The following PEMT variants were observed in gnomAD, a reference collection of about 807,000 sequenced individuals.
PEMT encodes phosphatidylethanolamine N-methyltransferase.
PEMT carries 23 observed loss-of-function variants against 27.4 expected under a neutral mutation model. The observed-to-expected ratio is 0.84, with a 90% CI of 0.60 to 1.19. The LOEUF is 1.19. PEMT is among the 50% of genes most tolerant of loss of function. The pLI is 0.00. For missense variants in PEMT, 307 were observed against 310.1 expected, an observed-to-expected ratio of 0.99 and a Z score of 0.07; for synonymous variants, 137 against 139.1, an observed-to-expected ratio of 0.98 and a Z score of 0.11.
At chr17:17,568,630 T>C (rs1910987955) in intron 2 of PEMT, among the ~76,000 whole-genome samples, 1 of 152,130 alleles carries the variant, frequency 6.6e-6, no homozygotes, top group South Asian at 2.1e-4. Flanking sequence ...CCATAGCACC[T>C]ACAAGGTCGG....
In PEMT at chr17:17,505,718, C is replaced by A. The variant is rs70965428; in HGVS notation, c.*73G>T. The A allele has an allele frequency of 3.5e-4, 513 of 1,470,858 alleles. 1 individual carries two copies. In the African/African-American group the frequency reaches 6.5e-3, roughly 19 times the overall value. The allele number at this position is 1,470,858 out of a possible 1,614,324, so 91.1% of individuals were successfully genotyped here. A position where few individuals can be genotyped will look rare whatever the true frequency, so the allele number is the denominator to read the frequency against. On this transcript the variant is annotated 3_prime_UTR_variant, in exon 7 of 7. Transcript: ENST00000255389. ...CCCTGAGCAGCAGGCACCATTCTCG[C>A]CCTGCGCAGGGCCTGCCACTTGGGG...
chr17:17,512,802 G>A lies in PEMT; in HGVS notation c.321-148C>T, dbSNP rs1162100737. 3 of 620,506 alleles carry A rather than the reference G, an allele frequency of 4.8e-6. No individual in the cohort carries two copies. The highest frequency in any genetic ancestry group is 7.2e-6 in the Non-Finnish European group (3 of 415,354). The allele number at this position is 620,506 out of a possible 1,614,324, so 38.4% of individuals were successfully genotyped here. A position where few individuals can be genotyped will look rare whatever the true frequency, so the allele number is the denominator to read the frequency against. ...CTGCCAGGCCAGGCAGGCAGCAGGTGGGGTCCAGTCCACCTGGGAGGTGGG... is the reference window on the plus strand; with the variant it reads ...CTGCCAGGCCAGGCAGGCAGCAGGTAGGGTCCAGTCCACCTGGGAGGTGGG... On this transcript the variant is annotated intron_variant, in intron 3 of 6. Transcript: ENST00000255389. The surrounding 1 kb of genome is among the most constrained non-coding windows in gnomAD (Gnocchi z 6.3).
At chr17:17,577,303 G>A (rs1911667210) in intron 1 of PEMT, 1 of 470,850 alleles carries the variant, frequency 2.1e-6, no homozygotes, top group Non-Finnish European at 3.7e-6. Context: ...GCACCCTGAA[G>A]GGAGGTGACA....
At chr17:17,517,442 G>C (rs576713551) in intron 3 of PEMT, among the ~76,000 whole-genome samples, 1 of 152,156 alleles carries the variant, frequency 6.6e-6, no homozygotes, top group Non-Finnish European at 1.5e-5. Context: ...GAAGCAAACT[G>C]TCCCATCAGC....
In PEMT at chr17:17,582,599, C is replaced by T. The variant is rs970260334; in HGVS notation, c.97-5572G>A. Among the ~76,000 whole-genome samples, 2 of 152,206 alleles carry T rather than the reference C, an allele frequency of 1.3e-5. No homozygotes were observed. Among genetic ancestry groups the T allele is most frequent in the African/African-American group, 4.8e-5 (2 of 41,450 alleles). On this transcript the variant is annotated intron_variant, in intron 1 of 6. Transcript: ENST00000255389. This position sits in a 1 kb window ranked among gnomAD's most constrained non-coding sequence, Gnocchi z 4.9. ...GACAGGTCCTCCTGGGATCCATCAC[C>T]CCTGCAGAATCTGCCTGCAGCGCTG...
intron 1 of PEMT, among the ~76,000 whole-genome samples, chr17:17,585,910 G>A (rs548279066): frequency 3.3e-5 from 5 of 151,490 alleles, no homozygotes; most frequent in Admixed American, 2.0e-4. Flanking sequence ...GTGAAACCCC[G>A]TCTCTACTAA....
chr17:17,509,339 C>T, intron 5 of PEMT, 95 bp downstream of exon 5: 2 of 769,216 alleles, frequency 2.6e-6, no homozygotes, highest in South Asian at 3.5e-5. Context: ...TCCTTTCTCT[C>T]TCTCCAGGGG....
chr17:17,533,515 T>C (rs1205396688), intron 2 of PEMT, among the ~76,000 whole-genome samples: 2 of 152,236 alleles, frequency 1.3e-5, no homozygotes, highest in Non-Finnish European at 2.9e-5. Flanking sequence ...ATACTTCAAA[T>C]GATTCTATCA....
At chr17:17,556,368 C>T (rs1226720188) in intron 2 of PEMT, among the ~76,000 whole-genome samples, 1 of 138,494 alleles carries the variant, frequency 7.2e-6, no homozygotes, top group Non-Finnish European at 1.5e-5. Flanking sequence ...TTCCTGCTCT[C>T]TCTCTCTCAC....
chr17:17,515,317 G>C (rs1906739480), intron 3 of PEMT, among the ~76,000 whole-genome samples: 1 of 152,238 alleles, frequency 6.6e-6, no homozygotes, highest in South Asian at 2.1e-4. Flanking sequence ...TGGCTCAGTA[G>C]GCAAATCAGA....
chr17:17,513,067 A>T lies in PEMT; in HGVS notation c.321-413T>A, dbSNP rs1027471054. On this transcript the variant is annotated intron_variant, in intron 3 of 6. Coordinates refer to ENST00000255389, the MANE Select transcript of PEMT (RefSeq NM_148172.3). This position sits in a 1 kb window ranked among gnomAD's most constrained non-coding sequence, Gnocchi z 4.1. ...GGAAAGTGAGGCTCAGGAAAGACGC[A>T]GGTGCCAGGTTGCAGGGCAGGCCCA... Among the ~76,000 whole-genome samples the T allele has an allele frequency of 6.6e-6, 1 of 152,168 alleles. No individual in the cohort carries two copies. The highest frequency in any genetic ancestry group is 6.5e-5 in the Admixed American group (1 of 15,278).
At chr17:17,570,993 G>A (rs4646348) in intron 2 of PEMT, 48,243 of 807,606 alleles carry the variant, frequency 0.06, 1,632 homozygotes, top group East Asian at 0.14. Flanking sequence ...AGACTCCCAC[G>A]TAGGGCCACA....
At chr17:17,584,067 G>A (rs992483572) in intron 1 of PEMT, among the ~76,000 whole-genome samples, 4 of 152,236 alleles carry the variant, frequency 2.6e-5, no homozygotes, top group Admixed American at 2.6e-4. Context: ...GGGCCCACGG[G>A]TAAGACGGTG....
intron 2 of PEMT, among the ~76,000 whole-genome samples, chr17:17,541,160 C>A (rs900758193): frequency 6.6e-6 from 1 of 152,206 alleles, no homozygotes; most frequent in Non-Finnish European, 1.5e-5. Context: ...CCGCCTGCTG[C>A]TATATAGAGC....
At chr17:17,553,923 C>T (rs1013110089) in intron 2 of PEMT, among the ~76,000 whole-genome samples, 4 of 152,196 alleles carry the variant, frequency 2.6e-5, no homozygotes, top group Admixed American at 6.5e-5. Context: ...CCCCGCTGCC[C>T]GGCAGTCACA....
At chr17:17,524,867 T>C (rs1385912230) in intron 2 of PEMT, among the ~76,000 whole-genome samples, 1 of 152,156 alleles carries the variant, frequency 6.6e-6, no homozygotes, top group Non-Finnish European at 1.5e-5. Flanking sequence ...CCCAGCACTT[T>C]GGGAGGCCGA....
Position 17,561,103 on chromosome 17 carries a change from A to C in PEMT, c.204+15817T>G, listed in dbSNP as rs1910441328. Among the ~76,000 whole-genome samples, 1 of 151,974 alleles carries C rather than the reference A, an allele frequency of 6.6e-6. No homozygotes were observed. The highest frequency in any genetic ancestry group is 1.9e-4 in the East Asian group (1 of 5,174). On this transcript the variant is annotated intron_variant, in intron 2 of 6. Coordinates refer to ENST00000255389, the MANE Select transcript of PEMT (RefSeq NM_148172.3). The surrounding 1 kb of genome is among the most constrained non-coding windows in gnomAD (Gnocchi z 4.5). ...TGCCTCAGGTTCCAGGGAGTCTCACATGATGGGCAGGACCCACACACACCA... is the reference window on the plus strand; with the variant it reads ...TGCCTCAGGTTCCAGGGAGTCTCACCTGATGGGCAGGACCCACACACACCA...
chr17:17,577,085 C>G (rs1273393509), intron 1 of PEMT, 58 bp from the exon 2 acceptor site: 7 of 1,336,410 alleles, frequency 5.2e-6, no homozygotes, highest in Admixed American at 3.4e-5. Flanking sequence ...TGTGAGCCCC[C>G]AGGAGTCGGA....
chr17:17,569,748 TAA>T (rs1463411354), intron 2 of PEMT, among the ~76,000 whole-genome samples: 1 of 152,196 alleles, frequency 6.6e-6, no homozygotes, highest in South Asian at 2.1e-4. Context: ...TGGTCTTCAA[TAA>T]AGTTAAAATA....
Sources: allele counts gnomAD v4.1 joint callset (sites outside exome capture counted in the v4.1 genomes callset), GRCh38; gene constraint gnomAD v4.1.1; non-coding constraint Gnocchi (gnomAD v3.1); transcripts MANE v1.5; gene names NCBI Gene and HGNC (gene_info 2026-07-23, HGNC 2026-07-21).